Variants in KCNT2 observed in about 807,000 individuals in gnomAD.
KCNT2 encodes the protein potassium channel subfamily T member 2.
Under a neutral mutation model 153.8 loss-of-function variants are expected in KCNT2, and 67 were observed. The ratio of observed to expected loss-of-function variants is 0.44; its 90% CI spans 0.36 to 0.53. The LOEUF (loss-of-function observed/expected upper bound fraction) is 0.53. Among genes scored for constraint, KCNT2 ranks in the 20% least tolerant of loss-of-function variants. KCNT2 has a pLI of 0.00. For missense variants in KCNT2, 975 were observed against 1,354.8 expected (o/e 0.72, Z 4.40); for synonymous variants, 500 against 458.8 (o/e 1.09, Z -1.15).
At chr1:196,280,652 T>C (rs1659007748) in intron 25 of KCNT2, among the ~76,000 whole-genome samples, 1 of 152,170 alleles carries the variant, frequency 6.6e-6, no homozygotes, top group East Asian at 1.9e-4. Context: ...GAACAGCCCC[T>C]TAGCCAACAA....
At position 196,608,208 on chromosome 1, in the gene KCNT2, C is replaced by T. The variant is rs1236198910; in HGVS notation, c.95+7G>A. The T allele has an allele frequency of 1.2e-6, 2 of 1,612,862 alleles. No individual in the cohort carries two copies. The highest frequency in any genetic ancestry group is 4.5e-5 in the East Asian group (2 of 44,860). On this transcript the variant is annotated splice_region_variant and intron_variant, in intron 1 of 27. Transcript: ENST00000294725. ...TTTACAGAACAATCCTCCACCACAC[C>T]ACTCACCTGTCGTCGTTTTGCCATC...
intron 1 of KCNT2, among the ~76,000 whole-genome samples, chr1:196,554,910 T>C (rs957722345): frequency 1.4e-4 from 21 of 151,190 alleles, no homozygotes; most frequent in Non-Finnish European, 3.1e-4. Flanking sequence ...AAATTGATAC[T>C]GAAGTAGCAC....
chr1:196,595,925 T>C (rs1664008193), intron 1 of KCNT2, among the ~76,000 whole-genome samples: 1 of 151,862 alleles, frequency 6.6e-6, no homozygotes, highest in Non-Finnish European at 1.5e-5. Context: ...CACTTACAAG[T>C]GAGAACACAT....
At chr1:196,286,863 T>C (rs1432790234) in intron 22 of KCNT2, among the ~76,000 whole-genome samples, 1 of 152,070 alleles carries the variant, frequency 6.6e-6, no homozygotes, top group African/African-American at 2.4e-5. Flanking sequence ...ACCTCAAAAA[T>C]TCTAGTTTCT....
chr1:196,523,242 G>A lies in KCNT2; in HGVS notation c.96-30901C>T, dbSNP rs912708125. Among the ~76,000 whole-genome samples, 18 of 152,076 alleles carry A rather than the reference G, an allele frequency of 1.2e-4. 1 individual carries two copies. The highest frequency in any genetic ancestry group is 2.6e-4 in the Non-Finnish European group (18 of 68,014). ...AGCAAGACCACGAACCCACCGGAAG[G>A]AAGAAACTCCAGACACATCTGAACA... On this transcript the variant is annotated intron_variant, in intron 1 of 27. Transcript: ENST00000294725.
intron 26 of KCNT2, chr1:196,257,930 G>A (rs1656657793): frequency 3.1e-6 from 3 of 959,076 alleles, no homozygotes; most frequent in South Asian, 9.7e-5. Context: ...CTGGCTCAGA[G>A]TTTTTGTGAA....
chr1:196,379,396 C>A (rs757913413), intron 13 of KCNT2, among the ~76,000 whole-genome samples: 1 of 152,074 alleles, frequency 6.6e-6, no homozygotes, highest in Non-Finnish European at 1.5e-5. Flanking sequence ...CATGGCAAAA[C>A]CCAGTCTCTA....
chr1:196,229,978 T>C (rs1204218435), intron 27 of KCNT2, among the ~76,000 whole-genome samples: 1 of 152,034 alleles, frequency 6.6e-6, no homozygotes, highest in African/African-American at 2.4e-5. Flanking sequence ...CAAGATGAAG[T>C]AGATAGTGCT....
chr1:196,333,106 T>TTTG (rs1664655530), intron 17 of KCNT2, among the ~76,000 whole-genome samples: 2 of 151,074 alleles, frequency 1.3e-5, no homozygotes, highest in Non-Finnish European at 2.9e-5. Flanking sequence ...TTTTTTTTTT[T>TTTG]TTTGTTTGTT....
intron 13 of KCNT2, among the ~76,000 whole-genome samples, chr1:196,382,078 A>G (rs1669540794): frequency 1.6e-5 from 1 of 61,688 alleles, no homozygotes; most frequent in Non-Finnish European, 4.2e-5. Context: ...ATAATGTTTA[A>G]CCAAATTTAT....
chr1:196,355,452 A>C (rs1667097875), intron 14 of KCNT2, among the ~76,000 whole-genome samples: 1 of 151,790 alleles, frequency 6.6e-6, no homozygotes, highest in Non-Finnish European at 1.5e-5. Flanking sequence ...AGTGGAGAGA[A>C]TAGGAAAATG....
chr1:196,264,459 A>G (rs1657334534), intron 25 of KCNT2, among the ~76,000 whole-genome samples: 1 of 152,160 alleles, frequency 6.6e-6, no homozygotes, highest in Non-Finnish European at 1.5e-5. Flanking sequence ...TTCATTTACC[A>G]TATCTCATCA....
chr1:196,255,087 A>G (rs1292575641), intron 26 of KCNT2, among the ~76,000 whole-genome samples: 5 of 151,702 alleles, frequency 3.3e-5, no homozygotes, highest in Admixed American at 1.3e-4. Flanking sequence ...TGGGCTAATC[A>G]TAAAATCCAT....
chr1:196,524,271 A>G (rs933786290), intron 1 of KCNT2, among the ~76,000 whole-genome samples: 2 of 152,072 alleles, frequency 1.3e-5, no homozygotes, highest in Non-Finnish European at 2.9e-5. Context: ...CTGGATTCTG[A>G]TCATTTTGAT....
At chr1:196,349,313 T>A (rs1387991094) in intron 14 of KCNT2, among the ~76,000 whole-genome samples, 1 of 152,110 alleles carries the variant, frequency 6.6e-6, no homozygotes, top group Middle Eastern at 3.2e-3. Flanking sequence ...TTTAGGCAGA[T>A]CCCATTTCTT....
chr1:196,475,821 A>C (rs1360302158), intron 5 of KCNT2, among the ~76,000 whole-genome samples: 1 of 152,186 alleles, frequency 6.6e-6, no homozygotes, highest in African/African-American at 2.4e-5. Flanking sequence ...CTATCCTTCT[A>C]CTGTCACATA....
chr1:196,331,606 T>C (rs1235270016), intron 17 of KCNT2, among the ~76,000 whole-genome samples: 3 of 152,104 alleles, frequency 2.0e-5, no homozygotes, highest in Non-Finnish European at 2.9e-5. Context: ...ATGTATTGTG[T>C]ATAGGTGTTT....
At chr1:196,370,394 C>G (rs1401374176) in intron 14 of KCNT2, among the ~76,000 whole-genome samples, 1 of 151,980 alleles carries the variant, frequency 6.6e-6, no homozygotes, top group Non-Finnish European at 1.5e-5. Flanking sequence ...TTATGACTGA[C>G]AGATCAGCTA....
At chr1:196,599,801 A>T (rs1250592647) in intron 1 of KCNT2, among the ~76,000 whole-genome samples, 1 of 152,128 alleles carries the variant, frequency 6.6e-6, no homozygotes, top group Non-Finnish European at 1.5e-5. Flanking sequence ...GTGGAGAGAA[A>T]TCTCACTGTC....
Sources: gnomAD v4.1 joint callset for allele counts (sites outside exome capture counted in the v4.1 genomes callset) on GRCh38, gnomAD v4.1.1 for gene constraint, MANE v1.5 for transcripts, NCBI Gene and HGNC (gene_info 2026-07-23, HGNC 2026-07-21) for gene names.